The following FMN1 variants were observed in gnomAD, a reference collection of about 807,000 sequenced individuals.
FMN1 encodes formin-1.
FMN1 carries 110 observed loss-of-function variants against 132.4 expected under a neutral mutation model. That is an observed-to-expected ratio of 0.83 (90% confidence interval 0.71 to 0.97). The LOEUF (loss-of-function observed/expected upper bound fraction) is 0.97, where lower values mean the gene tolerates loss of function less well. Ranked by LOEUF, FMN1 falls within the 50% of genes least tolerant of loss-of-function variation. The pLI, the probability that FMN1 is intolerant of heterozygous loss-of-function variation, is 0.00. For missense variants in FMN1, 1,792 were observed against 1,705.3 expected (o/e 1.05, Z -0.90); for synonymous variants, 722 against 651.7 (o/e 1.11, Z -1.64).
chr15:33,082,964 G>C (rs143342625), intron 5 of FMN1, among the ~76,000 whole-genome samples: 2 of 152,236 alleles, frequency 1.3e-5, no homozygotes, highest in East Asian at 3.9e-4. Flanking sequence ...AGCTGACAGA[G>C]CTTTGGGTTC....
Position 32,769,374 on chromosome 15 carries a change from G to A in FMN1, c.*4936C>T, listed in dbSNP as rs2056152278. ...CCCATTCCTTGGGAAGGGAGATGAA[G>A]AATTGTGAAACCAAAATGCAGTGCC... On this transcript the variant is annotated 3_prime_UTR_variant, in exon 21 of 21. Coordinates refer to ENST00000616417, the MANE Select transcript of FMN1 (RefSeq NM_001277313.2). 6.6e-6 allele frequency: 1 copy of A among 150,838 alleles called. No individual in the cohort carries two copies. The highest frequency in any genetic ancestry group is 2.5e-5 in the African/African-American group (1 of 40,130). The allele number at this position is 150,838 out of a possible 1,614,324, so 9.3% of individuals were successfully genotyped here. A position where few individuals can be genotyped will look rare whatever the true frequency, so the allele number is the denominator to read the frequency against.
intron 4 of FMN1, among the ~76,000 whole-genome samples, chr15:33,131,974 A>C (rs1963568793): frequency 6.6e-6 from 1 of 152,178 alleles, no homozygotes; most frequent in African/African-American, 2.4e-5. Flanking sequence ...AACAAGAACA[A>C]GATAAAGGCA....
intron 7 of FMN1, among the ~76,000 whole-genome samples, chr15:33,005,576 G>C (rs989092847): frequency 3.9e-5 from 6 of 152,130 alleles, no homozygotes; most frequent in African/African-American, 7.2e-5. Flanking sequence ...ATGAGATAAT[G>C]TGCTTAGAAC....
intron 6 of FMN1, among the ~76,000 whole-genome samples, chr15:33,040,596 A>G (rs1335690700): frequency 1.3e-5 from 2 of 152,240 alleles, no homozygotes; most frequent in Non-Finnish European, 2.9e-5. Context: ...ACTAAATAAG[A>G]GTTAGATATG....
chr15:32,992,387 G>A (rs569612272), intron 7 of FMN1, among the ~76,000 whole-genome samples: 2 of 152,254 alleles, frequency 1.3e-5, no homozygotes, highest in South Asian at 4.1e-4. Flanking sequence ...ATGGTTAGAG[G>A]ATGATGTGGT....
intron 7 of FMN1, among the ~76,000 whole-genome samples, chr15:32,993,748 G>C (rs1224071875): frequency 1.3e-5 from 2 of 152,120 alleles, no homozygotes; most frequent in African/African-American, 4.8e-5. Context: ...CTCAGCACCG[G>C]TAGAAAGGTA....
intron 17 of FMN1, among the ~76,000 whole-genome samples, chr15:32,807,114 AAAG>A (rs754226518): frequency 8.5e-5 from 13 of 152,370 alleles, no homozygotes; most frequent in Non-Finnish European, 5.9e-5. Context: ...GCTTGCTTAA[AAAG>A]AGATATACTG....
At chr15:33,007,479 G>A (rs1181728424) in intron 7 of FMN1, among the ~76,000 whole-genome samples, 3 of 152,102 alleles carry the variant, frequency 2.0e-5, no homozygotes, top group Non-Finnish European at 4.4e-5. Context: ...TGATCCCTCA[G>A]TCATTCCGGG....
At position 32,973,673 on chromosome 15, in the gene FMN1, G is replaced by A. The variant is rs560823345; in HGVS notation, c.2224-4196C>T. On this transcript the variant is annotated intron_variant, in intron 7 of 20. Transcript: ENST00000616417. ...TTGGTTGTGTTCATGACCTCAGTGT[G>A]GCAGAGCAACTCAAAGTGATTAAAG... Among the ~76,000 whole-genome samples the A allele has an allele frequency of 4.0e-5, 6 of 151,736 alleles. No homozygotes were observed. In the East Asian group the frequency reaches 1.2e-3, roughly 29 times the overall value.
intron 6 of FMN1, among the ~76,000 whole-genome samples, chr15:33,060,134 G>A (rs902096078): frequency 2.6e-5 from 4 of 151,914 alleles, no homozygotes; most frequent in Admixed American, 6.6e-5. Flanking sequence ...TCAACTCCAT[G>A]CAAGTGATGA....
intron 6 of FMN1, among the ~76,000 whole-genome samples, chr15:33,024,648 T>C (rs936319527): frequency 6.6e-6 from 1 of 152,228 alleles, no homozygotes; most frequent in Non-Finnish European, 1.5e-5. Flanking sequence ...ACAATCACTT[T>C]AGAGAACATT....
At chr15:33,172,451 G>T (rs1312323044) in intron 3 of FMN1, among the ~76,000 whole-genome samples, 1 of 152,200 alleles carries the variant, frequency 6.6e-6, no homozygotes, top group African/African-American at 2.4e-5. Flanking sequence ...CACATGCGGT[G>T]AGAGTGTTAT....
chr15:33,086,205 T>C (rs1334337687), intron 5 of FMN1, among the ~76,000 whole-genome samples: 4 of 150,630 alleles, frequency 2.7e-5, no homozygotes, highest in Non-Finnish European at 4.4e-5. Context: ...GAGCCAAGAT[T>C]ATGCCACTGC....
intron 9 of FMN1, among the ~76,000 whole-genome samples, chr15:32,953,791 G>A (rs2061704534): frequency 6.6e-6 from 1 of 152,220 alleles, no homozygotes; most frequent in Non-Finnish European, 1.5e-5. Flanking sequence ...TTTCTGTTAT[G>A]TAAGGACAAC....
intron 4 of FMN1, among the ~76,000 whole-genome samples, chr15:33,115,514 G>A (rs201335812): frequency 3.2e-5 from 4 of 125,294 alleles, no homozygotes; most frequent in South Asian, 4.8e-4. Context: ...ACACACACAC[G>A]CACACACACA....
At chr15:33,067,963 C>T in intron 5 of FMN1, 1 of 1,513,040 alleles carries the variant, frequency 6.6e-7, no homozygotes, top group Admixed American at 2.2e-5. Flanking sequence ...TCCATCTGCT[C>T]TTAATTTACA....
chr15:33,158,239 T>G (rs1463684631), intron 3 of FMN1, among the ~76,000 whole-genome samples: 1 of 152,032 alleles, frequency 6.6e-6, no homozygotes, highest in Non-Finnish European at 1.5e-5. Flanking sequence ...ATTACAGACA[T>G]GTAGTGCCTG....
At chr15:32,900,260 G>C in intron 13 of FMN1, 135 bp from the exon 14 acceptor site, 1 of 891,292 alleles carries the variant, frequency 1.1e-6, no homozygotes, top group Non-Finnish European at 1.8e-6. Context: ...TTGCTGAAAT[G>C]AAAAACACAC....
chr15:33,048,644 A>AAAAAAAAAAAAAAC, intron 6 of FMN1, among the ~76,000 whole-genome samples: 6 of 86,914 alleles, frequency 6.9e-5, no homozygotes, highest in African/African-American at 1.6e-4. Context: ...AAAAAAAAAA[A>AAAAAAAAAAAAAAC]AAAAACCAAC....
Sources: gnomAD v4.1 joint callset for allele counts (sites outside exome capture counted in the v4.1 genomes callset) on GRCh38, gnomAD v4.1.1 for gene constraint, MANE v1.5 for transcripts, NCBI Gene and HGNC (gene_info 2026-07-23, HGNC 2026-07-21) for gene names.